SEC63: variants seen among roughly 807,000 people sequenced by gnomAD.
The protein encoded by SEC63 is SEC63 protein translocation regulator, also known as translocation protein SEC63 homolog.
In SEC63, 56 loss-of-function variants were observed where a neutral mutation model predicts 116.2. That is an observed-to-expected ratio of 0.48 (90% confidence interval 0.39 to 0.60). The LOEUF is 0.60. Ranked by LOEUF, SEC63 falls within the 20% of genes least tolerant of loss-of-function variation. The probability of loss-of-function intolerance (pLI) is 0.00; values close to 1 mark genes in which losing one functional copy is unlikely to be tolerated. For missense variants in SEC63, 668 were observed against 900.0 expected (o/e 0.74, Z 3.30); for synonymous variants, 273 against 294.6 (o/e 0.93, Z 0.75).
intron 5 of SEC63, 98 bp downstream of exon 5, chr6:107,913,268 T>C (rs1179416179): frequency 1.2e-6 from 1 of 859,018 alleles, no homozygotes; most frequent in Non-Finnish European, 1.9e-6. Context: ...CATGTGAGTA[T>C]AAGTTTAGTA....
At chr6:107,940,503 G>A (rs989789497) in intron 1 of SEC63, among the ~76,000 whole-genome samples, 10 of 151,914 alleles carry the variant, frequency 6.6e-5, no homozygotes, top group Non-Finnish European at 1.5e-4. Context: ...TAGCAGCATC[G>A]TGATCTCTAC....
intron 16 of SEC63, among the ~76,000 whole-genome samples, chr6:107,889,233 G>A (rs9480813): frequency 0.53 from 79,583 of 151,568 alleles, 21,962 homozygotes; most frequent in South Asian, 0.7. Flanking sequence ...ACTTTTTTTT[G>A]GTTGGTAGGG....
chr6:107,884,118 A>AAAC (rs1277707369), intron 16 of SEC63, among the ~76,000 whole-genome samples: 1 of 102,590 alleles, frequency 9.7e-6, no homozygotes. Flanking sequence ...AACAAACAAA[A>AAAC]AAATAGCTGG....
At chr6:107,873,755 T>TG (rs1786188758) in intron 19 of SEC63, among the ~76,000 whole-genome samples, 1 of 152,030 alleles carries the variant, frequency 6.6e-6, no homozygotes, top group South Asian at 2.1e-4. Flanking sequence ...GAGAAATACT[T>TG]GCAACACATA....
intron 1 of SEC63, among the ~76,000 whole-genome samples, chr6:107,935,105 T>G (rs1770177134): frequency 8.1e-6 from 1 of 123,250 alleles, no homozygotes; most frequent in Non-Finnish European, 1.7e-5. Context: ...AGCTGCCCCG[T>G]CCGGGAGGGA....
At chr6:107,915,514 C>T (rs1787379226) in intron 4 of SEC63, among the ~76,000 whole-genome samples, 1 of 152,066 alleles carries the variant, frequency 6.6e-6, no homozygotes, top group Non-Finnish European at 1.5e-5. Context: ...ACGCTGCCCA[C>T]TTGCTATACA....
At chr6:107,919,800 C>T (rs903764719) in intron 4 of SEC63, among the ~76,000 whole-genome samples, 19 of 149,184 alleles carry the variant, frequency 1.3e-4, no homozygotes, top group South Asian at 2.1e-4. Flanking sequence ...CCAGCCTGGG[C>T]GACAGAGCAA....
At chr6:107,874,551 A>C (rs1003761726) in intron 19 of SEC63, among the ~76,000 whole-genome samples, 27 of 147,406 alleles carry the variant, frequency 1.8e-4, no homozygotes, top group Admixed American at 1.2e-3. Context: ...AGCCGAGATC[A>C]TGCCACTGCA....
chr6:107,889,061 T>G (rs1192059469), intron 16 of SEC63, among the ~76,000 whole-genome samples: 1 of 152,170 alleles, frequency 6.6e-6, no homozygotes, highest in Non-Finnish European at 1.5e-5. Context: ...CTTTTTTTGT[T>G]GTGTCTCTGC....
At chr6:107,950,399 G>A (rs867892579) in intron 1 of SEC63, among the ~76,000 whole-genome samples, 3 of 152,176 alleles carry the variant, frequency 2.0e-5, no homozygotes, top group Middle Eastern at 3.4e-3. Flanking sequence ...AGGAAATAGA[G>A]GACTTAACAC....
At chr6:107,940,402 C>G (rs1464460828) in intron 1 of SEC63, among the ~76,000 whole-genome samples, 1 of 152,108 alleles carries the variant, frequency 6.6e-6, no homozygotes. Context: ...GAAATAAGTA[C>G]TACAGAGCAG....
intron 2 of SEC63, among the ~76,000 whole-genome samples, chr6:107,926,391 TAA>T (rs925206640): frequency 2.6e-5 from 4 of 152,120 alleles, no homozygotes; most frequent in African/African-American, 9.7e-5. Context: ...AAATGAATCT[TAA>T]GAGGCCAAAT....
chr6:107,904,302 C>T (rs1391004107), intron 11 of SEC63, among the ~76,000 whole-genome samples: 1 of 150,862 alleles, frequency 6.6e-6, no homozygotes, highest in Non-Finnish European at 1.5e-5. Context: ...CCCAGCTGCT[C>T]AGGAGGCTGA....
At chr6:107,922,474 C>G (rs531860631) in intron 3 of SEC63, among the ~76,000 whole-genome samples, 68 of 152,242 alleles carry the variant, frequency 4.5e-4, no homozygotes, top group Middle Eastern at 3.4e-3. Flanking sequence ...CCACTGCACT[C>G]CAGCCTAGCT....
chr6:107,889,297 ACTT>A (rs1786615825), intron 16 of SEC63, among the ~76,000 whole-genome samples: 1 of 152,034 alleles, frequency 6.6e-6, no homozygotes, highest in Non-Finnish European at 1.5e-5. Context: ...CAGGGATTCG[ACTT>A]CTTAATGATT....
intron 19 of SEC63, among the ~76,000 whole-genome samples, chr6:107,874,294 G>T (rs765398688): frequency 5.3e-5 from 8 of 152,044 alleles, no homozygotes; most frequent in Non-Finnish European, 1.0e-4. Flanking sequence ...GGCATGCAAA[G>T]ATTAAAAAAG....
intron 16 of SEC63, among the ~76,000 whole-genome samples, chr6:107,891,270 ACT>A (rs1786675126): frequency 6.7e-6 from 1 of 148,856 alleles, no homozygotes; most frequent in African/African-American, 2.5e-5. Flanking sequence ...GTTACTTTTC[ACT>A]CTTTTTTCTC....
chr6:107,937,051 C>T (rs779568923), intron 1 of SEC63, among the ~76,000 whole-genome samples: 3 of 151,188 alleles, frequency 2.0e-5, no homozygotes, highest in Non-Finnish European at 2.9e-5. Context: ...CCTCCAGCTG[C>T]ATTTATGTGC....
intron 1 of SEC63, among the ~76,000 whole-genome samples, chr6:107,941,529 G>A (rs1770375696): frequency 6.6e-6 from 1 of 150,964 alleles, no homozygotes; most frequent in Non-Finnish European, 1.5e-5. Flanking sequence ...GAAGGAAAAA[G>A]AAAGAAAATT....
Sources: allele counts gnomAD v4.1 joint callset (sites outside exome capture counted in the v4.1 genomes callset), GRCh38; gene constraint gnomAD v4.1.1; transcripts MANE v1.5; gene names NCBI Gene and HGNC (gene_info 2026-07-23, HGNC 2026-07-21).